DAB1: variants seen among roughly 807,000 people sequenced by gnomAD.
DAB1 encodes disabled homolog 1.
Under a neutral mutation model 64.6 loss-of-function variants are expected in DAB1, and 15 were observed. The ratio of observed to expected loss-of-function variants is 0.23; its 90% CI spans 0.16 to 0.36. The LOEUF is 0.36. Ranked by LOEUF, DAB1 falls within the 10% of genes least tolerant of loss-of-function variation. The probability of loss-of-function intolerance (pLI) is 1.00; values close to 1 mark genes in which losing one functional copy is unlikely to be tolerated. For synonymous variants in DAB1, 235 were observed against 251.9 expected, an observed-to-expected ratio of 0.93 and a Z score of 0.64; for missense variants, 596 against 706.7, an observed-to-expected ratio of 0.84 and a Z score of 1.78.
chr1:57,966,635 C>T (rs535223126), intron 5 of DAB1, among the ~76,000 whole-genome samples: 15 of 152,204 alleles, frequency 9.9e-5, no homozygotes, highest in Non-Finnish European at 1.9e-4. Flanking sequence ...TGGGGTAATT[C>T]GTTACCTAGC....
At chr1:57,905,132 C>T (rs1390338012) in intron 5 of DAB1, among the ~76,000 whole-genome samples, 1 of 151,930 alleles carries the variant, frequency 6.6e-6, no homozygotes, top group Non-Finnish European at 1.5e-5. Flanking sequence ...GATGAAGAAA[C>T]TGAGGCAAAA....
intron 4 of DAB1, among the ~76,000 whole-genome samples, chr1:58,233,239 TTTA>T (rs1659861437): frequency 6.6e-6 from 1 of 152,214 alleles, no homozygotes; most frequent in Middle Eastern, 3.2e-3. Flanking sequence ...GGAAATAACA[TTTA>T]TTGAGCATTG....
At chr1:57,107,243 T>G (rs1655247854) in intron 4 of DAB1, among the ~76,000 whole-genome samples, 1 of 151,806 alleles carries the variant, frequency 6.6e-6, no homozygotes, top group Non-Finnish European at 1.5e-5. Context: ...GGCATGTTGG[T>G]GGATGCCTGT....
At chr1:57,179,702 G>T (rs931641399) in intron 2 of DAB1, among the ~76,000 whole-genome samples, 19 of 152,082 alleles carry the variant, frequency 1.2e-4, no homozygotes, top group African/African-American at 4.6e-4. Context: ...AAAGCCATTG[G>T]GGAAACGGTG....
chr1:58,459,501 G>A (rs1569828214), intron 3 of DAB1, among the ~76,000 whole-genome samples: 1 of 152,198 alleles, frequency 6.6e-6, no homozygotes, highest in Admixed American at 6.5e-5. Flanking sequence ...GTCTACACAA[G>A]GCTCTCCAAG....
chr1:57,101,914 A>G (rs1450573036), intron 4 of DAB1, among the ~76,000 whole-genome samples: 1 of 152,214 alleles, frequency 6.6e-6, no homozygotes, highest in East Asian at 1.9e-4. Context: ...TGAGGCATAG[A>G]GAAGTTAATT....
At chr1:57,924,798 G>A (rs984972744) in intron 5 of DAB1, among the ~76,000 whole-genome samples, 139 of 151,836 alleles carry the variant, frequency 9.2e-4, no homozygotes, top group Non-Finnish European at 1.9e-4. Context: ...CAGTTTACTC[G>A]TCTGATGGAT....
Position 57,446,513 on chromosome 1 carries a change from G to A in DAB1, n.626-155347C>T, listed in dbSNP as rs191699595. Reference sequence around the variant, plus strand: ...TTGGGAAGGCTGAGGCGGGAGAATCGCTTGAACCTGGGAGGTGGAGGTTGC... The same window carrying A: ...TTGGGAAGGCTGAGGCGGGAGAATCACTTGAACCTGGGAGGTGGAGGTTGC... On this transcript the variant is annotated intron_variant and non_coding_transcript_variant, in intron 7 of 20. Coordinates refer to the DAB1 transcript ENST00000485760. Among the ~76,000 whole-genome samples, 200 of 150,690 alleles carry A rather than the reference G, an allele frequency of 1.3e-3. 3 individuals are homozygous for A. The East Asian group carries it at 0.033, about 24-fold the overall frequency.
chr1:57,871,849 T>C (rs1162388841), intron 1 of DAB1, among the ~76,000 whole-genome samples: 4 of 152,156 alleles, frequency 2.6e-5, no homozygotes, highest in Non-Finnish European at 5.9e-5. Flanking sequence ...CTATATGCAC[T>C]ACAGGAGTGA....
intron 7 of DAB1, among the ~76,000 whole-genome samples, chr1:57,448,006 C>T (rs893857629): frequency 1.3e-5 from 2 of 152,150 alleles, no homozygotes; most frequent in Non-Finnish European, 2.9e-5. Flanking sequence ...AAATAGGGAA[C>T]AAATTGTTCC....
chr1:57,928,398 T>C (rs1644909181), intron 5 of DAB1, among the ~76,000 whole-genome samples: 1 of 152,090 alleles, frequency 6.6e-6, no homozygotes, highest in African/African-American at 2.4e-5. Flanking sequence ...CCATTATCAA[T>C]ATCTCCCACC....
At chr1:57,912,137 T>G (rs934394063) in intron 5 of DAB1, among the ~76,000 whole-genome samples, 13 of 152,174 alleles carry the variant, frequency 8.5e-5, no homozygotes, top group Admixed American at 3.3e-4. Flanking sequence ...GTCTGCTAAC[T>G]CCTATTCTTC....
intron 3 of DAB1, among the ~76,000 whole-genome samples, chr1:58,395,865 G>A (rs1348257808): frequency 2.6e-5 from 4 of 152,094 alleles, no homozygotes; most frequent in Non-Finnish European, 2.9e-5. Context: ...GGTCTAAGTC[G>A]GGGAGGTGCT....
At chr1:58,377,599 A>G (rs200041166) in intron 3 of DAB1, among the ~76,000 whole-genome samples, 10,880 of 127,430 alleles carry the variant, frequency 0.085, 1,170 homozygotes, top group East Asian at 0.2. Flanking sequence ...CTTTCTCTCT[A>G]GCTGCCCTTA....
chr1:57,505,095 T>G (rs1644329651), intron 7 of DAB1, among the ~76,000 whole-genome samples: 1 of 152,088 alleles, frequency 6.6e-6, no homozygotes, highest in African/African-American at 2.4e-5. Flanking sequence ...AATAATCATG[T>G]ATCAATATTG....
At chr1:57,740,329 G>T (rs777106994) in intron 6 of DAB1, among the ~76,000 whole-genome samples, 1 of 152,120 alleles carries the variant, frequency 6.6e-6, no homozygotes, top group Non-Finnish European at 1.5e-5. Context: ...AAGGTTTCAG[G>T]CTCTGGTGAT....
chr1:57,045,465 A>T (rs551573013), intron 9 of DAB1, among the ~76,000 whole-genome samples: 11 of 152,300 alleles, frequency 7.2e-5, no homozygotes, highest in African/African-American at 2.6e-4. Context: ...TGGGAGGCCA[A>T]GGCAGGCGGA....
At chr1:58,165,733 G>A (rs545374606) in intron 4 of DAB1, among the ~76,000 whole-genome samples, 5 of 152,272 alleles carry the variant, frequency 3.3e-5, no homozygotes, top group East Asian at 3.9e-4. Context: ...AGTGGGCAGA[G>A]GTTTTGGGGA....
intron 1 of DAB1, among the ~76,000 whole-genome samples, chr1:57,332,479 T>G (rs1476166370): frequency 2.6e-5 from 4 of 152,216 alleles, no homozygotes; most frequent in Non-Finnish European, 5.9e-5. Context: ...TTAGTTTCGG[T>G]AGAGTAATCA....
Sources: gnomAD v4.1 joint callset for allele counts (sites outside exome capture counted in the v4.1 genomes callset) on GRCh38, gnomAD v4.1.1 for gene constraint, MANE v1.5 for transcripts, NCBI Gene and HGNC (gene_info 2026-07-23, HGNC 2026-07-21) for gene names.